CFAP20DC: variants seen among roughly 807,000 people sequenced by gnomAD.
The protein encoded by CFAP20DC is CFAP20 domain containing.
CFAP20DC carries 84 observed loss-of-function variants against 101.7 expected under a neutral mutation model. That is an observed-to-expected ratio of 0.83 (90% CI 0.69 to 0.99). The LOEUF (loss-of-function observed/expected upper bound fraction) is 0.99, where lower values mean the gene tolerates loss of function less well. CFAP20DC is among the 50% of genes least tolerant of loss of function. The pLI is 0.00. For missense variants in CFAP20DC, 1,007 were observed against 970.3 expected (o/e 1.04, Z -0.50); for synonymous variants, 359 against 351.2 (o/e 1.02, Z -0.25).
rs960753002 is a variant in CFAP20DC, at chr3:59,015,826, G to A, written c.278+23731C>T. Among the ~76,000 whole-genome samples the A allele has an allele frequency of 6.6e-6, 1 of 152,090 alleles. No homozygotes were observed. The highest frequency in any genetic ancestry group is 2.4e-5 in the African/African-American group (1 of 41,430). On this transcript the variant is annotated intron_variant, in intron 4 of 16. Coordinates refer to ENST00000482387, the MANE Select transcript of CFAP20DC (RefSeq NM_001394063.1). This position sits in a 1 kb window ranked among gnomAD's most constrained non-coding sequence, Gnocchi z 5.4. ...AAAGAGATGGAGGCTGTAGAGCTGG[G>A]GACAACAACCTTTCTGCTGTTAAGT... is the stretch of plus-strand genomic sequence containing the variant.
intron 4 of CFAP20DC, among the ~76,000 whole-genome samples, chr3:59,013,899 AT>A (rs1346301169): frequency 6.6e-6 from 1 of 152,194 alleles, no homozygotes; most frequent in African/African-American, 2.4e-5. Flanking sequence ...CTTAGTTCTC[AT>A]TTAACTTCAG....
At position 58,913,809 on chromosome 3, in the gene CFAP20DC, G is replaced by GC. The variant is rs1559813067; in HGVS notation, c.448dup (p.Ala150GlyfsTer14). 6.2e-7 allele frequency: 1 copy of GC among 1,613,554 alleles called. No individual in the cohort carries two copies. Among genetic ancestry groups the GC allele is most frequent in the East Asian group, 2.2e-5 (1 of 44,860 alleles). ...AATTCCATCCAATGACTGGAAAACT[G>GC]CCCCCTTGAATATTTCACTGGTGAA... is the stretch of plus-strand genomic sequence containing the variant. On this transcript the variant is annotated frameshift_variant, in exon 6 of 17. Transcript: ENST00000482387. LOFTEE classifies it high-confidence loss of function. This position sits in a 1 kb window ranked among gnomAD's most constrained non-coding sequence, Gnocchi z 4.4.
intron 15 of CFAP20DC, among the ~76,000 whole-genome samples, chr3:58,781,146 T>C (rs186765559): frequency 1.5e-4 from 23 of 151,912 alleles, no homozygotes; most frequent in Admixed American, 1.5e-3. Flanking sequence ...CTCTGGAAAC[T>C]GTACAAATAC....
chr3:58,970,736 A>T (rs1337728390), intron 4 of CFAP20DC: 2 of 152,138 alleles, frequency 1.3e-5, no homozygotes, highest in African/African-American at 4.8e-5. Flanking sequence ...GGGAATAATA[A>T]CATCTGTCCT....
chr3:58,933,417 C>T (rs1302767145), intron 5 of CFAP20DC, among the ~76,000 whole-genome samples: 4 of 151,200 alleles, frequency 2.6e-5, no homozygotes, highest in East Asian at 3.9e-4. Context: ...CTGCACCAAG[C>T]GGACCTAATA....
chr3:58,916,766 C>T (rs187858349), intron 5 of CFAP20DC, among the ~76,000 whole-genome samples: 1 of 152,180 alleles, frequency 6.6e-6, no homozygotes, highest in East Asian at 1.9e-4. Flanking sequence ...TTTGATTTAG[C>T]TGATATTGAT....
At chr3:58,909,249 G>A (rs2083905396) in intron 6 of CFAP20DC, among the ~76,000 whole-genome samples, 1 of 152,022 alleles carries the variant, frequency 6.6e-6, no homozygotes, top group Admixed American at 6.6e-5. Flanking sequence ...ACATGCATGT[G>A]GGGACAAAGG....
At chr3:58,866,488 A>G in intron 11 of CFAP20DC, 78 bp downstream of exon 11, 1 of 1,291,720 alleles carries the variant, frequency 7.7e-7, no homozygotes, top group South Asian at 1.7e-5. Context: ...CCACTTTTCA[A>G]AATGACTGGA....
intron 4 of CFAP20DC, among the ~76,000 whole-genome samples, chr3:58,993,226 T>C (rs2108640996): frequency 6.6e-6 from 1 of 152,286 alleles, no homozygotes; most frequent in Admixed American, 6.5e-5. Context: ...TAAAATGCAG[T>C]ACATATTTCT....
chr3:59,017,616 G>A (rs2093717202), intron 4 of CFAP20DC: 1 of 151,982 alleles, frequency 6.6e-6, no homozygotes, highest in African/African-American at 2.4e-5. Context: ...GGTTGTTGTT[G>A]GATACCAGAA....
rs900380201 is a variant in CFAP20DC at position 58,937,583 on chromosome 3, C to G, written c.393+65G>C. 4 of 980,982 alleles carry G rather than the reference C, an allele frequency of 4.1e-6. No individual in the cohort carries two copies. The African/African-American group carries it at 4.8e-5, about 12-fold the overall frequency. The allele number at this position is 980,982 out of a possible 1,614,324, so 60.8% of individuals were successfully genotyped here. A position where few individuals can be genotyped will look rare whatever the true frequency, so the allele number is the denominator to read the frequency against. ...TAACAAAGTACCTCACATATGGAGT[C>G]AGCCCATAAGTAATATTTGTTGAAT... On this transcript the variant is annotated intron_variant, in intron 5 of 16. Transcript: ENST00000482387.
intron 15 of CFAP20DC, among the ~76,000 whole-genome samples, chr3:58,791,144 T>C (rs1156489983): frequency 6.6e-6 from 1 of 152,106 alleles, no homozygotes; most frequent in Non-Finnish European, 1.5e-5. Context: ...TTAAATCATC[T>C]CCCTGATCTC....
At position 58,869,266 on chromosome 3, in the gene CFAP20DC, TAACAAG is replaced by T; in HGVS notation, c.1015+56_1015+61del. On this transcript the variant is annotated intron_variant, in intron 9 of 16. Coordinates refer to ENST00000482387, the MANE Select transcript of CFAP20DC (RefSeq NM_001394063.1). This position sits in a 1 kb window ranked among gnomAD's most constrained non-coding sequence, Gnocchi z 4.3. Reference sequence around the variant, plus strand: ...CTTGAATATAACTGCTGATTTATCTTAACAAGAACATTTCTCACTATTTTCACTAGC... The same window carrying T: ...CTTGAATATAACTGCTGATTTATCTTAACATTTCTCACTATTTTCACTAGC... 4 of 1,347,112 alleles carry T rather than the reference TAACAAG, an allele frequency of 3.0e-6. No individual in the cohort carries two copies. The highest frequency in any genetic ancestry group is 3.1e-6 in the Non-Finnish European group (3 of 978,992). 83.4% of individuals were successfully genotyped at this position (1,347,112 alleles called of 1,614,324 possible).
intron 4 of CFAP20DC, among the ~76,000 whole-genome samples, chr3:59,026,231 T>G (rs561229856): frequency 1.3e-5 from 2 of 152,124 alleles, no homozygotes; most frequent in South Asian, 4.1e-4. Flanking sequence ...AGCCACGAGA[T>G]GCGTTCAAAA....
rs1044362037 is a variant in CFAP20DC at position 58,899,173 on chromosome 3, C to T, written c.551-14464G>A. The stretch of plus-strand genomic sequence containing the variant: ...CTCATCCAGTCAGGAGTAACAGGAT[C>T]AGGGACCCACTTAGAAAAACAGTCT... On this transcript the variant is annotated intron_variant, in intron 6 of 16. Transcript: ENST00000482387. The surrounding 1 kb of genome is among the most constrained non-coding windows in gnomAD (Gnocchi z 5.0). Among the ~76,000 whole-genome samples, 5 of 152,208 alleles carry T rather than the reference C, an allele frequency of 3.3e-5. No homozygotes were observed. The highest frequency in any genetic ancestry group is 9.6e-5 in the African/African-American group (4 of 41,454).
At chr3:58,978,769 G>A (rs1408660538) in intron 4 of CFAP20DC, among the ~76,000 whole-genome samples, 1 of 151,544 alleles carries the variant, frequency 6.6e-6, no homozygotes, top group South Asian at 2.1e-4. Context: ...AGAAATATGA[G>A]GGAGATATTT....
intron 14 of CFAP20DC, among the ~76,000 whole-genome samples, chr3:58,825,499 G>A (rs2075979015): frequency 6.6e-6 from 1 of 151,676 alleles, no homozygotes; most frequent in African/African-American, 2.4e-5. Context: ...CCATGAAGCA[G>A]TGTCCATTGA....
intron 5 of CFAP20DC, among the ~76,000 whole-genome samples, chr3:58,931,553 G>C (rs546976788): frequency 0.02 from 3,000 of 152,086 alleles, 42 homozygotes; most frequent in Non-Finnish European, 0.031. Flanking sequence ...CTTCACACGG[G>C]CGGGTACTCC....
intron 4 of CFAP20DC, among the ~76,000 whole-genome samples, chr3:58,993,549 C>T (rs1397585483): frequency 6.6e-6 from 1 of 152,036 alleles, no homozygotes; most frequent in Non-Finnish European, 1.5e-5. Context: ...AAGCTCATCA[C>T]CCATTAGCTA....
Sources: allele counts gnomAD v4.1 joint callset (sites outside exome capture counted in the v4.1 genomes callset), GRCh38; gene constraint gnomAD v4.1.1; non-coding constraint Gnocchi (gnomAD v3.1); transcripts MANE v1.5; gene names NCBI Gene and HGNC (gene_info 2026-07-23, HGNC 2026-07-21).